NAV1: variants seen among roughly 807,000 people sequenced by gnomAD.
NAV1 encodes the protein pore membrane and/or filament interacting like protein 3.
NAV1 carries 18 observed loss-of-function variants against 175.2 expected under a neutral mutation model. The observed-to-expected ratio is 0.10, with a 90% CI of 0.07 to 0.15. The LOEUF (loss-of-function observed/expected upper bound fraction) is 0.15, where lower values mean the gene tolerates loss of function less well. Among genes scored for constraint, NAV1 ranks in the 10% least tolerant of loss-of-function variants. NAV1 has a pLI of 1.00. For synonymous variants in NAV1, 897 were observed against 978.7 expected, an observed-to-expected ratio of 0.92 and a Z score of 1.56; for missense variants, 1,731 against 2,436.6, an observed-to-expected ratio of 0.71 and a Z score of 6.10.
Position 201,808,867 on chromosome 1 carries a change from C to A in NAV1, c.4203C>A (p.Asp1401Glu). ...ATTCCTTCGGCCCCAGTCTTGCAGA[C>A]ACAGGTACCTGTGTGGGAGAAGAAT... Residue 1401 changes from aspartate (D) to glutamate (E), a missense_variant, in exon 20 of 30, where the codon GAC (aspartate) becomes GAA (glutamate). This residue lies in a region of NAV1 where 122 missense variants were observed against 139.4 expected (regional missense o/e 0.88). Coordinates refer to ENST00000367296, the Ensembl canonical transcript of NAV1. This position sits in a 1 kb window ranked among gnomAD's most constrained non-coding sequence, Gnocchi z 5.5. 2 of 1,610,832 alleles carry A rather than the reference C, an allele frequency of 1.2e-6. No homozygotes were observed.
chr1:201,769,906 G>A (rs1351622586), intron 3 of NAV1, among the ~76,000 whole-genome samples: 3 of 152,200 alleles, frequency 2.0e-5, no homozygotes. Context: ...GATTCGCAAG[G>A]CATATATATT....
intron 1 of NAV1, among the ~76,000 whole-genome samples, chr1:201,580,034 C>T (rs1311462593): frequency 6.6e-6 from 1 of 152,198 alleles, no homozygotes; most frequent in Non-Finnish European, 1.5e-5. Context: ...TGGCGCAAAT[C>T]CCAGAATCCA....
At chr1:201,826,018 T>C (rs933001570) in exon 30 of NAV1, 3 of 152,216 alleles carry the variant, frequency 2.0e-5, no homozygotes, top group Non-Finnish European at 4.4e-5. Flanking sequence ...TACAAACTCA[T>C]AAAATAGCTG....
At chr1:201,772,771 T>C (rs1675670796) in intron 3 of NAV1, among the ~76,000 whole-genome samples, 1 of 152,120 alleles carries the variant, frequency 6.6e-6, no homozygotes, top group Admixed American at 6.6e-5. Context: ...CAGTGGCTCA[T>C]GCCTATAATC....
At chr1:201,736,456 AG>A in intron 3 of NAV1, among the ~76,000 whole-genome samples, 1 of 152,310 alleles carries the variant, frequency 6.6e-6, no homozygotes, top group East Asian at 1.9e-4. Context: ...CCAGGAGACA[AG>A]GAGAGCCTCC....
chr1:201,576,836 T>C (rs1200101528), intron 1 of NAV1, among the ~76,000 whole-genome samples: 1 of 152,240 alleles, frequency 6.6e-6, no homozygotes, highest in Non-Finnish European at 1.5e-5. Flanking sequence ...CTAATATGTA[T>C]GTAGTAATAT....
chr1:201,690,760 G>A (rs1023143301), intron 1 of NAV1, among the ~76,000 whole-genome samples: 2 of 150,264 alleles, frequency 1.3e-5, no homozygotes, highest in African/African-American at 4.9e-5. Context: ...TGGCCTGTCC[G>A]TGGCAGTGTG....
At chr1:201,803,633 A>G (rs753709399) in exon 16 of NAV1, 1 of 1,613,244 alleles carries the variant, frequency 6.2e-7, no homozygotes, top group South Asian at 1.1e-5. Context: ...ATAGCATCTC[A>G]AGCCTCAACA....
intron 1 of NAV1, among the ~76,000 whole-genome samples, chr1:201,655,493 G>T (rs1302045303): frequency 6.6e-6 from 1 of 152,238 alleles, no homozygotes; most frequent in Non-Finnish European, 1.5e-5. Flanking sequence ...CTGGCCCTGC[G>T]TGGGCAGGTT....
rs1164779169 is a variant in NAV1 at position 201,539,891 on chromosome 1, C to T, written c.-144+549C>T. On this transcript the variant is annotated intron_variant, in intron 1 of 33. Transcript: ENST00000685211. This position sits in a 1 kb window ranked among gnomAD's most constrained non-coding sequence, Gnocchi z 5.6. The stretch of plus-strand genomic sequence containing the variant: ...ACCCCCGGGATGCGCCGGGAAGCGC[C>T]CTCCCGCCAATCTCCCGGAGGCCGT... Among the ~76,000 whole-genome samples the T allele has an allele frequency of 6.6e-6, 1 of 152,166 alleles. No homozygotes were observed. The highest frequency in any genetic ancestry group is 1.9e-4 in the East Asian group (1 of 5,160).
At chr1:201,777,232 G>T (rs1300305866) in intron 3 of NAV1, among the ~76,000 whole-genome samples, 1 of 152,210 alleles carries the variant, frequency 6.6e-6, no homozygotes, top group Non-Finnish European at 1.5e-5. Context: ...TTTAAGTCAG[G>T]TATAGAGAAT....
At chr1:201,639,329 G>A (rs1040140565) in intron 2 of NAV1, among the ~76,000 whole-genome samples, 1 of 152,164 alleles carries the variant, frequency 6.6e-6, no homozygotes, top group African/African-American at 2.4e-5. Context: ...AGGTCATCAG[G>A]TCAGAGATAT....
At chr1:201,693,065 G>A (rs1233039014) in intron 1 of NAV1, among the ~76,000 whole-genome samples, 1 of 152,228 alleles carries the variant, frequency 6.6e-6, no homozygotes, top group Non-Finnish European at 1.5e-5. Context: ...TGGGAGGCGG[G>A]ACAAGTATGG....
At chr1:201,603,927 T>A (rs958350166) in intron 2 of NAV1, among the ~76,000 whole-genome samples, 4 of 152,122 alleles carry the variant, frequency 2.6e-5, no homozygotes, top group African/African-American at 9.7e-5. Flanking sequence ...AAACAAATGG[T>A]TGGTCACAGA....
At chr1:201,783,421 C>G in exon 7 of NAV1, 1 of 1,613,926 alleles carries the variant, frequency 6.2e-7, no homozygotes, top group Non-Finnish European at 8.5e-7. Context: ...CAGCGAAGAG[C>G]TTTGTCAAAC....
upstream of NAV1, among the ~76,000 whole-genome samples, chr1:201,646,762 T>TC (rs1668990381): frequency 6.6e-6 from 1 of 152,150 alleles, no homozygotes; most frequent in Non-Finnish European, 1.5e-5. Flanking sequence ...TGCTCAGGCC[T>TC]CCAAATCCAT....
At chr1:201,655,258 C>G (rs1473724417) in intron 1 of NAV1, among the ~76,000 whole-genome samples, 1 of 151,568 alleles carries the variant, frequency 6.6e-6, no homozygotes, top group East Asian at 1.9e-4. Context: ...CTCTCCTCCC[C>G]AAAGCCCAAA....
chr1:201,671,960 CT>C (rs1342227350), intron 1 of NAV1, among the ~76,000 whole-genome samples: 1 of 152,192 alleles, frequency 6.6e-6, no homozygotes, highest in Admixed American at 6.5e-5. Context: ...CATCCTGATC[CT>C]CCGCATCCCG....
chr1:201,632,209 C>T (rs1005657131), intron 2 of NAV1, among the ~76,000 whole-genome samples: 1 of 152,194 alleles, frequency 6.6e-6, no homozygotes, highest in Admixed American at 6.5e-5. Context: ...GGCATAGAGT[C>T]CAAACAAGGC....
Sources: allele counts gnomAD v4.1 joint callset (sites outside exome capture counted in the v4.1 genomes callset), GRCh38; gene constraint gnomAD v4.1.1; regional missense constraint gnomAD v4.1.1; non-coding constraint Gnocchi (gnomAD v3.1); transcripts MANE v1.5; gene names NCBI Gene and HGNC (gene_info 2026-07-23, HGNC 2026-07-21).